Variants in CREB5 observed in about 807,000 individuals in gnomAD.
CREB5 encodes the protein cAMP responsive element binding protein 5, also known as cyclic AMP-responsive element-binding protein 5.
CREB5 carries 19 observed loss-of-function variants against 57.1 expected under a neutral mutation model. The ratio of observed to expected loss-of-function variants is 0.33; its 90% confidence interval spans 0.23 to 0.49. The LOEUF (loss-of-function observed/expected upper bound fraction) is 0.49, where lower values mean the gene tolerates loss of function less well. CREB5 is among the 20% of genes least tolerant of loss of function. CREB5 has a pLI of 0.99. For synonymous variants in CREB5, 238 were observed against 238.3 expected, an observed-to-expected ratio of 1.00 and a Z score of 0.01; for missense variants, 579 against 671.6, an observed-to-expected ratio of 0.86 and a Z score of 1.52.
chr7:28,509,745 G>A (rs1258851497), intron 4 of CREB5, among the ~76,000 whole-genome samples: 1 of 152,192 alleles, frequency 6.6e-6, no homozygotes, highest in African/African-American at 2.4e-5. Flanking sequence ...TATTGCAGCT[G>A]TAGAAACATG....
At chr7:28,458,060 A>G (rs1198685293) in intron 1 of CREB5, among the ~76,000 whole-genome samples, 2 of 152,188 alleles carry the variant, frequency 1.3e-5, no homozygotes, top group African/African-American at 2.4e-5. Context: ...GTTCCTACTT[A>G]GGTGACTAGA....
intron 4 of CREB5, among the ~76,000 whole-genome samples, chr7:28,528,975 G>C (rs1793595553): frequency 6.6e-6 from 1 of 152,132 alleles, no homozygotes; most frequent in African/African-American, 2.4e-5. Flanking sequence ...AACATCAATT[G>C]ACTTTGCAAT....
intron 5 of CREB5, among the ~76,000 whole-genome samples, chr7:28,684,489 C>T (rs970195146): frequency 6.6e-6 from 1 of 152,234 alleles, no homozygotes; most frequent in Non-Finnish European, 1.5e-5. Context: ...TTTAACTCTT[C>T]ACCCTGAGTA....
Position 28,359,565 on chromosome 7 carries a change from C to G in CREB5, c.-25+60124C>G, listed in dbSNP as rs2893328. On this transcript the variant is annotated intron_variant, in intron 1 of 9. Coordinates refer to the CREB5 transcript ENST00000396299. ...CTTATTTCATACCATATACAAACAT[C>G]AGCTCATGATCATTTAAATACTTGA... Among the ~76,000 whole-genome samples the G allele has an allele frequency of 4.4e-3, 664 of 152,272 alleles. 5 individuals carry two copies. The highest frequency in any genetic ancestry group is 0.015 in the African/African-American group (634 of 41,550).
intron 1 of CREB5, among the ~76,000 whole-genome samples, chr7:28,385,677 A>AC (rs1453737654): frequency 2.1e-5 from 2 of 94,372 alleles, no homozygotes; most frequent in Admixed American, 1.1e-4. Flanking sequence ...ACCCTGTCTC[A>AC]AAAAAAAAAA....
rs556521606 is a variant in CREB5, at chr7:28,613,479, AG to A, written c.464+42943del. Among the ~76,000 whole-genome samples, 148 of 152,304 alleles carry A rather than the reference AG, an allele frequency of 9.7e-4. No individual in the cohort carries two copies. In the Middle Eastern group the frequency reaches 0.017, roughly 18 times the overall value. ...ATGACTCATAGGTGTCAAATCATCA[AG>A]TGATTACACCCAGAATGAAAGAGTA... On this transcript the variant is annotated intron_variant, in intron 5 of 10. Coordinates refer to ENST00000357727, the MANE Select transcript of CREB5 (RefSeq NM_182898.4).
intron 7 of CREB5, among the ~76,000 whole-genome samples, chr7:28,796,975 A>G (rs2299120): frequency 0.33 from 50,537 of 152,130 alleles, 9,373 homozygotes; most frequent in African/African-American, 0.51. Flanking sequence ...CACTGAGTCC[A>G]AGAGACGCAG....
At chr7:28,764,723 C>T (rs1221849116) in intron 7 of CREB5, among the ~76,000 whole-genome samples, 4 of 152,124 alleles carry the variant, frequency 2.6e-5, no homozygotes, top group Non-Finnish European at 5.9e-5. Context: ...TTTTTTAAAA[C>T]TTGGGTCAGT....
chr7:28,516,908 C>T (rs527628036), intron 4 of CREB5, among the ~76,000 whole-genome samples: 2 of 152,308 alleles, frequency 1.3e-5, no homozygotes, highest in African/African-American at 4.8e-5. Flanking sequence ...GGATTTCTGA[C>T]GTGCCAGACA....
intron 1 of CREB5, among the ~76,000 whole-genome samples, chr7:28,362,607 A>G (rs1024696273): frequency 6.6e-6 from 1 of 152,222 alleles, no homozygotes; most frequent in African/African-American, 2.4e-5. Context: ...TGATTTTGTC[A>G]CTAATTCTCA....
chr7:28,784,681 C>T (rs986075511), intron 7 of CREB5, among the ~76,000 whole-genome samples: 6 of 152,052 alleles, frequency 3.9e-5, no homozygotes, highest in Admixed American at 3.3e-4. Context: ...AGGAAAGGTT[C>T]GGATATGAGC....
At chr7:28,551,896 TTTCTC>T (rs916785339) in intron 4 of CREB5, among the ~76,000 whole-genome samples, 1 of 144,256 alleles carries the variant, frequency 6.9e-6, no homozygotes, top group African/African-American at 2.5e-5. Flanking sequence ...TCTTTCTTTC[TTTCTC>T]TTTTCTTTTC....
chr7:28,560,827 C>CGTGCGTGCGCGTGCGT (rs1562797026), intron 4 of CREB5, among the ~76,000 whole-genome samples: 13 of 89,106 alleles, frequency 1.5e-4, no homozygotes, highest in South Asian at 4.0e-4. Context: ...TGTGTGCGCG[C>CGTGCGTGCGCGTGCGT]GCGCGCGTGT....
chr7:28,351,919 A>G (rs1786195790), intron 1 of CREB5, among the ~76,000 whole-genome samples: 1 of 152,196 alleles, frequency 6.6e-6, no homozygotes, highest in Admixed American at 6.5e-5. Context: ...CCCCAAATAA[A>G]TCAAGCAGTT....
At chr7:28,480,748 G>A (rs1791288924) in intron 1 of CREB5, among the ~76,000 whole-genome samples, 1 of 152,168 alleles carries the variant, frequency 6.6e-6, no homozygotes, top group Admixed American at 6.5e-5. Context: ...ATATTGTACT[G>A]CATGGTAACA....
chr7:28,337,624 T>C (rs1441052483), intron 1 of CREB5, among the ~76,000 whole-genome samples: 1 of 152,072 alleles, frequency 6.6e-6, no homozygotes, highest in African/African-American at 2.4e-5. Context: ...CGGTAGATCA[T>C]TGGGTCTTGT....
chr7:28,560,900 G>GTGTA (rs1491358058), intron 4 of CREB5, among the ~76,000 whole-genome samples: 3 of 44,288 alleles, frequency 6.8e-5, no homozygotes, highest in Non-Finnish European at 8.0e-5. Flanking sequence ...GTGTGTGCGT[G>GTGTA]CGCGCGTGCG....
chr7:28,441,910 C>A (rs1014385608), intron 1 of CREB5, among the ~76,000 whole-genome samples: 2 of 152,110 alleles, frequency 1.3e-5, no homozygotes, highest in East Asian at 3.9e-4. Flanking sequence ...ATCAGGGTAA[C>A]TTGATCACCA....
chr7:28,739,581 A>G (rs1273908410), intron 7 of CREB5, among the ~76,000 whole-genome samples: 1 of 152,218 alleles, frequency 6.6e-6, no homozygotes, highest in Non-Finnish European at 1.5e-5. Flanking sequence ...TCAGCCTCTA[A>G]AGAACTTACA....
Sources: gnomAD v4.1 joint callset for allele counts (sites outside exome capture counted in the v4.1 genomes callset) on GRCh38, gnomAD v4.1.1 for gene constraint, MANE v1.5 for transcripts, NCBI Gene and HGNC (gene_info 2026-07-23, HGNC 2026-07-21) for gene names.